The following TRPM3 variants were observed in gnomAD, a reference collection of about 807,000 sequenced individuals.
The protein encoded by TRPM3 is long transient receptor potential channel 3.
In TRPM3, 77 loss-of-function variants were observed where a neutral mutation model predicts 181.2. The ratio of observed to expected loss-of-function variants is 0.42; its 90% CI spans 0.35 to 0.51. The LOEUF (loss-of-function observed/expected upper bound fraction) is 0.51. Ranked by LOEUF, TRPM3 falls within the 20% of genes least tolerant of loss-of-function variation. TRPM3 has a pLI of 0.01. For synonymous variants in TRPM3, 745 were observed against 796.4 expected (o/e 0.94, Z 1.09); for missense variants, 1,759 against 2,196.7 (o/e 0.80, Z 3.98).
At chr9:70,950,647 T>C (rs1004419123) in intron 1 of TRPM3, among the ~76,000 whole-genome samples, 9 of 152,078 alleles carry the variant, frequency 5.9e-5, no homozygotes, top group African/African-American at 2.2e-4. Context: ...TGGAAGCAAA[T>C]GGAATTAACC....
At chr9:70,763,906 T>C (rs1173789483) in intron 7 of TRPM3, among the ~76,000 whole-genome samples, 2 of 152,130 alleles carry the variant, frequency 1.3e-5, no homozygotes, top group African/African-American at 2.4e-5. Flanking sequence ...CATGAATGAA[T>C]GAGCATCGGC....
intron 1 of TRPM3, among the ~76,000 whole-genome samples, chr9:71,103,320 G>C (rs1012922155): frequency 7.9e-5 from 12 of 152,158 alleles, no homozygotes; most frequent in East Asian, 3.9e-4. Context: ...AAAATTGAAA[G>C]AGGAACCTTA....
chr9:71,410,453 A>T (rs1301032113), intron 1 of TRPM3, among the ~76,000 whole-genome samples: 1 of 152,196 alleles, frequency 6.6e-6, no homozygotes, highest in Non-Finnish European at 1.5e-5. Flanking sequence ...AGAAATACAA[A>T]CTACCATCAG....
At chr9:70,623,526 T>C (rs1039332268) in intron 14 of TRPM3, among the ~76,000 whole-genome samples, 1 of 152,204 alleles carries the variant, frequency 6.6e-6, no homozygotes, top group African/African-American at 2.4e-5. Flanking sequence ...TGGCACCATC[T>C]TGACATTTGT....
At chr9:70,898,942 C>A (rs1205279545) in intron 1 of TRPM3, among the ~76,000 whole-genome samples, 1 of 152,042 alleles carries the variant, frequency 6.6e-6, no homozygotes, top group Non-Finnish European at 1.5e-5. Flanking sequence ...TTTTGGGAAA[C>A]CTTTGCTTAA....
chr9:70,941,217 C>T (rs1414252240), intron 1 of TRPM3, among the ~76,000 whole-genome samples: 1 of 152,188 alleles, frequency 6.6e-6, no homozygotes, highest in African/African-American at 2.4e-5. Flanking sequence ...ACCACCTAAT[C>T]AACTACCAGC....
intron 22 of TRPM3, among the ~76,000 whole-genome samples, chr9:70,557,366 T>C (rs1460544000): frequency 6.6e-6 from 1 of 152,212 alleles, no homozygotes; most frequent in East Asian, 1.9e-4. Context: ...TAAAAATGAA[T>C]AGTTAAGAAA....
chr9:70,841,661 T>TATATGA lies in TRPM3; in HGVS notation c.801+1341_801+1342insTCATAT, dbSNP rs1339698170. 1.3e-3 allele frequency among the ~76,000 whole-genome samples: 112 copies of TATATGA among 86,080 alleles called. 2 individuals are homozygous for TATATGA. Among genetic ancestry groups the TATATGA allele is most frequent in the African/African-American group, 5.1e-3 (107 of 21,050 alleles). The allele number at this position is 86,080 out of a possible 152,430, so 56.5% of individuals were successfully genotyped here. On this transcript the variant is annotated intron_variant, in intron 5 of 25. Coordinates refer to ENST00000677713, the MANE Select transcript of TRPM3 (RefSeq NM_001366145.2). Reference sequence around the variant, plus strand: ...ATATATATATATATATATATATATATCCCACCATATATATGTATATATAGA... The same window carrying TATATGA: ...ATATATATATATATATATATATATATATATGACCCACCATATATATGTATATATAGA...
intron 8 of TRPM3, among the ~76,000 whole-genome samples, chr9:70,751,999 AGTGTGTGTGTGTGT>A (rs71507124): frequency 3.3e-4 from 34 of 104,568 alleles, no homozygotes; most frequent in South Asian, 2.8e-3. Flanking sequence ...ACATCTCAAC[AGTGTGTGTGTGTGT>A]GTGTGTGTGT....
chr9:71,283,531 C>A (rs1263178367), intron 1 of TRPM3, among the ~76,000 whole-genome samples: 1 of 152,152 alleles, frequency 6.6e-6, no homozygotes, highest in East Asian at 1.9e-4. Flanking sequence ...GTCTCAATCT[C>A]CTGACCTCGT....
chr9:70,869,814 T>C (rs2095750626), intron 1 of TRPM3, among the ~76,000 whole-genome samples: 1 of 152,010 alleles, frequency 6.6e-6, no homozygotes, highest in African/African-American at 2.4e-5. Flanking sequence ...TGCCCTGATA[T>C]GTTTATTTGG....
chr9:70,600,725 G>C (rs1241695914), intron 20 of TRPM3, among the ~76,000 whole-genome samples: 1 of 152,184 alleles, frequency 6.6e-6, no homozygotes, highest in African/African-American at 2.4e-5. Context: ...GTGTTGTCCT[G>C]ATGGCTTCTC....
At chr9:71,096,306 T>C (rs2067191411) in intron 1 of TRPM3, among the ~76,000 whole-genome samples, 1 of 149,240 alleles carries the variant, frequency 6.7e-6, no homozygotes, top group Non-Finnish European at 1.5e-5. Context: ...AAAAAAAAAC[T>C]ACTAAAAATT....
At chr9:71,064,236 T>G (rs189628758) in intron 1 of TRPM3, among the ~76,000 whole-genome samples, 231 of 152,238 alleles carry the variant, frequency 1.5e-3, no homozygotes, top group Non-Finnish European at 2.6e-3. Flanking sequence ...TTTTCAGATT[T>G]TTATGTTGGC....
chr9:70,962,909 T>C (rs1337020), intron 1 of TRPM3, among the ~76,000 whole-genome samples: 41,322 of 152,038 alleles, frequency 0.27, 5,654 homozygotes, highest in Admixed American at 0.3. Context: ...ACATAATATG[T>C]CCTTATGAAA....
At chr9:70,784,552 G>C (rs1157728380) in intron 6 of TRPM3, among the ~76,000 whole-genome samples, 4 of 152,110 alleles carry the variant, frequency 2.6e-5, no homozygotes, top group Non-Finnish European at 4.4e-5. Flanking sequence ...CTTTACAGGG[G>C]AGGGCCTGGG....
intron 1 of TRPM3, among the ~76,000 whole-genome samples, chr9:71,443,416 G>T (rs2094160852): frequency 6.6e-6 from 1 of 152,086 alleles, no homozygotes; most frequent in African/African-American, 2.4e-5. Flanking sequence ...TTGAGAACAT[G>T]CATTTTAAAT....
rs1385462988 is a variant in TRPM3 at position 71,040,479 on chromosome 9, CA to C, written c.177+80698del. ...ATAAAACATTTTACTTTCAGAGTGG[CA>C]TTTGGTAAACTAGACTAATTCACAT... On this transcript the variant is annotated intron_variant, in intron 1 of 25. Transcript: ENST00000677713. 2.0e-5 allele frequency among the ~76,000 whole-genome samples: 3 copies of C among 152,214 alleles called. No homozygotes were observed. The East Asian group carries it at 5.8e-4, about 29-fold the overall frequency.
At chr9:71,373,124 G>T (rs949311956) in intron 1 of TRPM3, among the ~76,000 whole-genome samples, 1 of 152,160 alleles carries the variant, frequency 6.6e-6, no homozygotes, top group East Asian at 1.9e-4. Context: ...GGCTAAAGCA[G>T]TGTTAAGTGG....
Sources: allele counts gnomAD v4.1 joint callset (sites outside exome capture counted in the v4.1 genomes callset), GRCh38; gene constraint gnomAD v4.1.1; transcripts MANE v1.5; gene names NCBI Gene and HGNC (gene_info 2026-07-23, HGNC 2026-07-21).